Variants in KSR2 observed in about 807,000 individuals in gnomAD.
KSR2 encodes the protein kinase suppressor of ras 2.
A neutral mutation model predicts 107.8 loss-of-function variants in KSR2; 25 were observed. The ratio of observed to expected loss-of-function variants is 0.23; its 90% CI spans 0.17 to 0.32. The LOEUF (loss-of-function observed/expected upper bound fraction) is 0.32, where lower values mean the gene tolerates loss of function less well. Ranked by LOEUF, KSR2 falls within the 10% of genes least tolerant of loss-of-function variation. The pLI, the probability that KSR2 is intolerant of heterozygous loss-of-function variation, is 1.00. For missense variants in KSR2, 887 were observed against 1,268.9 expected, an observed-to-expected ratio of 0.70 and a Z score of 4.57; for synonymous variants, 480 against 507.0, an observed-to-expected ratio of 0.95 and a Z score of 0.71.
intron 4 of KSR2, among the ~76,000 whole-genome samples, chr12:117,707,833 G>A (rs185247372): frequency 1.0e-3 from 157 of 152,288 alleles, no homozygotes; most frequent in Middle Eastern, 3.4e-3. Context: ...GGGGATAGGG[G>A]TTGCAAATAT....
chr12:117,886,112 T>C (rs902090496), intron 1 of KSR2, among the ~76,000 whole-genome samples: 2 of 150,220 alleles, frequency 1.3e-5, no homozygotes, highest in African/African-American at 2.5e-5. Flanking sequence ...AAAAAAAACC[T>C]GCACATTCTG....
chr12:117,851,239 C>A (rs779056237), intron 3 of KSR2, among the ~76,000 whole-genome samples: 1 of 152,034 alleles, frequency 6.6e-6, no homozygotes, highest in Non-Finnish European at 1.5e-5. Flanking sequence ...CAGAGGGAGG[C>A]CTATGTGGAG....
intron 5 of KSR2, among the ~76,000 whole-genome samples, chr12:117,657,157 T>C (rs1211688304): frequency 6.6e-6 from 1 of 151,848 alleles, no homozygotes; most frequent in Non-Finnish European, 1.5e-5. Context: ...GGTTCAGAGA[T>C]GAGTACACAG....
At chr12:117,541,959 C>T (rs1204930316) in intron 9 of KSR2, among the ~76,000 whole-genome samples, 1 of 152,072 alleles carries the variant, frequency 6.6e-6, no homozygotes, top group Non-Finnish European at 1.5e-5. Flanking sequence ...AATCACGGCT[C>T]ACTGTAGCCT....
chr12:117,738,343 G>A (rs1013951773), intron 4 of KSR2, among the ~76,000 whole-genome samples: 2 of 152,116 alleles, frequency 1.3e-5, no homozygotes, highest in Admixed American at 6.6e-5. Flanking sequence ...TCCAAGAAAC[G>A]CACCGTTAGA....
chr12:117,629,101 T>A (rs1565933988), intron 5 of KSR2, among the ~76,000 whole-genome samples: 1 of 152,342 alleles, frequency 6.6e-6, no homozygotes, highest in East Asian at 1.9e-4. Flanking sequence ...TTCCAGGTAG[T>A]CTGTCATGGC....
At chr12:117,658,571 T>C (rs1319792819) in intron 5 of KSR2, among the ~76,000 whole-genome samples, 8 of 152,098 alleles carry the variant, frequency 5.3e-5, no homozygotes, top group African/African-American at 9.7e-5. Context: ...GCCTGCAAAA[T>C]TGGAAATATT....
chr12:117,821,682 T>C (rs1393986300), intron 3 of KSR2, among the ~76,000 whole-genome samples: 3 of 152,212 alleles, frequency 2.0e-5, no homozygotes, highest in African/African-American at 7.2e-5. Context: ...TATGTGGACA[T>C]ATAATATCTT....
At chr12:117,632,522 T>G (rs1395242745) in intron 5 of KSR2, among the ~76,000 whole-genome samples, 1 of 152,048 alleles carries the variant, frequency 6.6e-6, no homozygotes, top group East Asian at 1.9e-4. Context: ...CACCATGCCC[T>G]GCCACCTACT....
At chr12:117,568,120 T>C (rs1878646488) in intron 7 of KSR2, among the ~76,000 whole-genome samples, 1 of 152,120 alleles carries the variant, frequency 6.6e-6, no homozygotes, top group South Asian at 2.1e-4. Flanking sequence ...CCCCAGCACT[T>C]TTCTCTCCAT....
At chr12:117,654,169 C>T (rs1884023351) in intron 5 of KSR2, among the ~76,000 whole-genome samples, 1 of 152,202 alleles carries the variant, frequency 6.6e-6, no homozygotes, top group African/African-American at 2.4e-5. Flanking sequence ...CCCGAACTGC[C>T]TATCATGAAC....
chr12:117,783,415 C>T (rs150638252), intron 3 of KSR2, among the ~76,000 whole-genome samples: 3 of 152,324 alleles, frequency 2.0e-5, no homozygotes, highest in African/African-American at 7.2e-5. Context: ...ATCAGAGCCT[C>T]TGTTTCCTCA....
At chr12:117,639,683 G>A (rs1379142525) in intron 5 of KSR2, among the ~76,000 whole-genome samples, 1 of 145,294 alleles carries the variant, frequency 6.9e-6, no homozygotes, top group Non-Finnish European at 1.5e-5. Context: ...TTTACTGAAA[G>A]GGAAAGCCAG....
intron 3 of KSR2, among the ~76,000 whole-genome samples, chr12:117,796,826 C>A (rs1890648167): frequency 6.6e-6 from 1 of 152,278 alleles, no homozygotes; most frequent in South Asian, 2.1e-4. Flanking sequence ...TTGATAGAAC[C>A]CCCATGGCAT....
Position 117,455,052 on chromosome 12 carries a change from G to C in KSR2, c.*12147C>G, listed in dbSNP as rs1283694774. 3 of 151,404 alleles carry C rather than the reference G, an allele frequency of 2.0e-5. No homozygotes were observed. The highest frequency in any genetic ancestry group is 1.3e-4 in the Admixed American group (2 of 15,180). The allele number at this position is 151,404 out of a possible 1,614,324, so 9.4% of individuals were successfully genotyped here. On this transcript the variant is annotated 3_prime_UTR_variant, in exon 20 of 20. Coordinates refer to ENST00000339824, the MANE Select transcript of KSR2 (RefSeq NM_173598.6). ...AGACAGACAGAGAGAGAGAGAGAGA[G>C]AGAGAGAGAGAGAGAGAGAGGTCTG...
chr12:117,710,701 T>C (rs1455521553), intron 4 of KSR2, among the ~76,000 whole-genome samples: 1 of 152,138 alleles, frequency 6.6e-6, no homozygotes, highest in African/African-American at 2.4e-5. Flanking sequence ...AAAGAAGCTA[T>C]ATAAAGCTTT....
At chr12:117,690,260 T>C (rs1885757108) in intron 4 of KSR2, among the ~76,000 whole-genome samples, 1 of 151,958 alleles carries the variant, frequency 6.6e-6, no homozygotes, top group East Asian at 1.9e-4. Flanking sequence ...CAAGAAATAG[T>C]TGTTGAAAGA....
At chr12:117,891,824 AAAAAC>A (rs1894351896) in intron 1 of KSR2, among the ~76,000 whole-genome samples, 1 of 151,722 alleles carries the variant, frequency 6.6e-6, no homozygotes, top group Non-Finnish European at 1.5e-5. Flanking sequence ...CTGTCTCTAC[AAAAAC>A]AAAACAAAAC....
intron 5 of KSR2, among the ~76,000 whole-genome samples, chr12:117,584,097 T>G (rs1879854547): frequency 6.6e-6 from 1 of 152,144 alleles, no homozygotes; most frequent in East Asian, 1.9e-4. Flanking sequence ...ATGAGAGAGC[T>G]AATGATTTTC....
Sources: gnomAD v4.1 joint callset for allele counts (sites outside exome capture counted in the v4.1 genomes callset) on GRCh38, gnomAD v4.1.1 for gene constraint, MANE v1.5 for transcripts, NCBI Gene and HGNC (gene_info 2026-07-23, HGNC 2026-07-21) for gene names.